The following GNA14 variants were observed in gnomAD, a reference collection of about 807,000 sequenced individuals.
The protein encoded by GNA14 is guanine nucleotide-binding protein subunit alpha-14.
Under a neutral mutation model 42.0 loss-of-function variants are expected in GNA14, and 50 were observed. The ratio of observed to expected loss-of-function variants is 1.19; its 90% CI spans 0.95 to 1.51. The LOEUF is 1.51. GNA14 is among the 40% of genes most tolerant of loss of function. The pLI, the probability that GNA14 is intolerant of heterozygous loss-of-function variation, is 0.00. For synonymous variants in GNA14, 173 were observed against 163.1 expected, an observed-to-expected ratio of 1.06 and a Z score of -0.46; for missense variants, 473 against 446.2, an observed-to-expected ratio of 1.06 and a Z score of -0.54.
chr9:77,539,945 C>G (rs1203487611), intron 1 of GNA14, among the ~76,000 whole-genome samples: 1 of 151,976 alleles, frequency 6.6e-6, no homozygotes, highest in Non-Finnish European at 1.5e-5. Flanking sequence ...ACCAACTTTT[C>G]ATTTCATTGA....
chr9:77,576,091 A>G (rs1823124316), intron 1 of GNA14, among the ~76,000 whole-genome samples: 1 of 152,208 alleles, frequency 6.6e-6, no homozygotes. Flanking sequence ...CTATGGTTGC[A>G]TGTTTTTAAA....
chr9:77,517,972 T>C (rs529237367), intron 2 of GNA14: 1 of 152,094 alleles, frequency 6.6e-6, no homozygotes, highest in African/African-American at 2.4e-5. Flanking sequence ...ACAGCTTATA[T>C]TGACATATTA....
intron 1 of GNA14, among the ~76,000 whole-genome samples, chr9:77,611,892 C>A (rs935400924): frequency 9.2e-5 from 14 of 152,122 alleles, no homozygotes; most frequent in African/African-American, 3.4e-4. Flanking sequence ...CAAATACACT[C>A]TGAGTGCTCT....
At chr9:77,430,670 A>G (rs1015025752) in intron 4 of GNA14, among the ~76,000 whole-genome samples, 1 of 152,206 alleles carries the variant, frequency 6.6e-6, no homozygotes, top group Non-Finnish European at 1.5e-5. Flanking sequence ...CGTGTGTGAT[A>G]ATTGTTAGGA....
chr9:77,478,617 T>G (rs929293772), intron 2 of GNA14, among the ~76,000 whole-genome samples: 1 of 152,186 alleles, frequency 6.6e-6, no homozygotes, highest in African/African-American at 2.4e-5. Context: ...ACTTCCACAA[T>G]GGTTGAACTA....
intron 2 of GNA14, among the ~76,000 whole-genome samples, chr9:77,489,913 T>A (rs1335093790): frequency 6.6e-6 from 1 of 152,100 alleles, no homozygotes; most frequent in Non-Finnish European, 1.5e-5. Flanking sequence ...CCGGAGCAGG[T>A]TGCCACTGGC....
chr9:77,623,694 A>T (rs1310586610), intron 1 of GNA14, among the ~76,000 whole-genome samples: 1 of 152,156 alleles, frequency 6.6e-6, no homozygotes. Context: ...TAGCCAAGGG[A>T]AGCCCTGAGG....
chr9:77,521,976 G>A (rs1217626576), intron 2 of GNA14, among the ~76,000 whole-genome samples: 1 of 152,122 alleles, frequency 6.6e-6, no homozygotes, highest in Non-Finnish European at 1.5e-5. Context: ...GGGACTACAG[G>A]CATGCGCCAC....
intron 2 of GNA14, among the ~76,000 whole-genome samples, chr9:77,458,662 C>T (rs1836049506): frequency 6.6e-6 from 1 of 152,124 alleles, no homozygotes; most frequent in South Asian, 2.1e-4. Flanking sequence ...ATTTACTGTA[C>T]TGTTTTCCTA....
chr9:77,547,182 G>A (rs965659042), intron 1 of GNA14, among the ~76,000 whole-genome samples: 6 of 152,090 alleles, frequency 3.9e-5, no homozygotes, highest in African/African-American at 9.7e-5. Flanking sequence ...TAAAACCAGC[G>A]AACAACATAA....
chr9:77,462,061 G>A (rs1035749640), intron 2 of GNA14, among the ~76,000 whole-genome samples: 4 of 152,188 alleles, frequency 2.6e-5, no homozygotes, highest in Non-Finnish European at 4.4e-5. Flanking sequence ...GAGACCACTT[G>A]TCCAGCCTGC....
intron 1 of GNA14, among the ~76,000 whole-genome samples, chr9:77,597,414 A>G (rs149733346): frequency 2.2e-4 from 33 of 152,180 alleles, no homozygotes; most frequent in African/African-American, 7.7e-4. Flanking sequence ...TTGAGTGGAC[A>G]CAGTATAACG....
intron 2 of GNA14, among the ~76,000 whole-genome samples, chr9:77,477,901 G>A (rs972272409): frequency 6.6e-6 from 1 of 151,808 alleles, no homozygotes; most frequent in Non-Finnish European, 1.5e-5. Context: ...AATAAAAAGA[G>A]AAAAATGCAG....
intron 2 of GNA14, among the ~76,000 whole-genome samples, chr9:77,475,513 T>C (rs1027223241): frequency 1.3e-5 from 2 of 152,074 alleles, no homozygotes; most frequent in Admixed American, 1.3e-4. Context: ...CTCTGGTCCT[T>C]CGGTAAAACA....
At chr9:77,564,251 G>T (rs986576448) in intron 1 of GNA14, among the ~76,000 whole-genome samples, 2 of 146,720 alleles carry the variant, frequency 1.4e-5, no homozygotes, top group African/African-American at 5.0e-5. Flanking sequence ...AGTCTCCAGA[G>T]ATTTTGATTC....
intron 1 of GNA14, among the ~76,000 whole-genome samples, chr9:77,553,872 G>GA (rs1403297433): frequency 3.3e-5 from 5 of 151,726 alleles, no homozygotes; most frequent in Admixed American, 1.3e-4. Flanking sequence ...ACAAAAATGA[G>GA]AAAAAAAATA....
chr9:77,527,761 G>A (rs1007098814), intron 2 of GNA14, among the ~76,000 whole-genome samples: 1 of 152,150 alleles, frequency 6.6e-6, no homozygotes, highest in Admixed American at 6.5e-5. Flanking sequence ...AGCTTCCCTA[G>A]TAGGTGGTAT....
chr9:77,490,411 G>A (rs2131735600), intron 2 of GNA14, among the ~76,000 whole-genome samples: 1 of 152,370 alleles, frequency 6.6e-6, no homozygotes, highest in African/African-American at 2.4e-5. Context: ...GCGGTGGATG[G>A]GACTGGGCAC....
intron 1 of GNA14, among the ~76,000 whole-genome samples, chr9:77,633,458 T>C (rs1293325266): frequency 2.0e-5 from 3 of 151,980 alleles, no homozygotes; most frequent in African/African-American, 7.3e-5. Context: ...AGGGGACAGA[T>C]AAAGGGTCTC....
Sources: gnomAD v4.1 joint callset for allele counts (sites outside exome capture counted in the v4.1 genomes callset) on GRCh38, gnomAD v4.1.1 for gene constraint, MANE v1.5 for transcripts, NCBI Gene and HGNC (gene_info 2026-07-23, HGNC 2026-07-21) for gene names.